The following DRAM1 variants were observed in gnomAD, a reference collection of about 807,000 sequenced individuals.
DRAM1 encodes DNA damage-regulated autophagy modulator protein 1.
A neutral mutation model predicts 28.5 loss-of-function variants in DRAM1; 25 were observed. That is an observed-to-expected ratio of 0.88 (90% CI 0.64 to 1.23). The LOEUF is 1.23. Among genes scored for constraint, DRAM1 ranks in the 50% most tolerant of loss-of-function variants. The probability of loss-of-function intolerance (pLI) is 0.00; values close to 1 mark genes in which losing one functional copy is unlikely to be tolerated. For missense variants in DRAM1, 249 were observed against 299.2 expected (o/e 0.83, Z 1.24); for synonymous variants, 113 against 114.2 (o/e 0.99, Z 0.07).
At chr12:101,897,839 T>C in intron 1 of DRAM1, 24 bp from the exon 2 acceptor site, 1 of 1,575,086 alleles carries the variant, frequency 6.3e-7, no homozygotes, top group Non-Finnish European at 8.7e-7. Context: ...TTCTAATAAT[T>C]TGGACATTTC....
At chr12:101,892,060 C>A (rs902961477) in intron 1 of DRAM1, among the ~76,000 whole-genome samples, 4 of 152,154 alleles carry the variant, frequency 2.6e-5, no homozygotes, top group African/African-American at 9.7e-5. Context: ...GTTTACTTAT[C>A]TGGATTCCAG....
chr12:101,912,473 C>T (rs531230412), intron 4 of DRAM1, among the ~76,000 whole-genome samples: 4 of 152,138 alleles, frequency 2.6e-5, no homozygotes, highest in African/African-American at 9.7e-5. Flanking sequence ...TTTCCCTTCT[C>T]CCACCCCCAG....
At chr12:101,906,854 C>CAAAAAAAAA (rs751751554) in intron 3 of DRAM1, among the ~76,000 whole-genome samples, 1 of 67,482 alleles carries the variant, frequency 1.5e-5, no homozygotes. Flanking sequence ...GACTCTGCCT[C>CAAAAAAAAA]AAAAAAAAAA....
intron 6 of DRAM1, among the ~76,000 whole-genome samples, chr12:101,920,653 T>C (rs926121791): frequency 2.0e-5 from 3 of 152,230 alleles, no homozygotes; most frequent in Non-Finnish European, 2.9e-5. Flanking sequence ...GGTTCACATC[T>C]GTAATCCCAG....
chr12:101,881,968 C>A (rs978019621), intron 1 of DRAM1, among the ~76,000 whole-genome samples: 1 of 152,192 alleles, frequency 6.6e-6, no homozygotes, highest in African/African-American at 2.4e-5. Flanking sequence ...GGTACTCACT[C>A]TTTACCCCAG....
intron 4 of DRAM1, among the ~76,000 whole-genome samples, chr12:101,913,865 T>C (rs1874136274): frequency 6.6e-6 from 1 of 152,064 alleles, no homozygotes; most frequent in South Asian, 2.1e-4. Flanking sequence ...TCCAGAAACA[T>C]GTAGGGTTGT....
At position 101,921,272 on chromosome 12, in the gene DRAM1, T is replaced by C. The variant is rs1317214336; in HGVS notation, c.*12T>C. 1 of 1,605,404 alleles carries C rather than the reference T, an allele frequency of 6.2e-7. No individual in the cohort carries two copies. The highest frequency in any genetic ancestry group is 1.3e-5 in the African/African-American group (1 of 74,736). On this transcript the variant is annotated 3_prime_UTR_variant, in exon 7 of 7. Transcript: ENST00000258534. ...ATGGTGATATTTGAAGAAAGAAGAATTCAGTCTCACTCAGTGAATGTCGCA... is the reference window on the plus strand; with the variant it reads ...ATGGTGATATTTGAAGAAAGAAGAACTCAGTCTCACTCAGTGAATGTCGCA...
chr12:101,895,239 G>A (rs551582798), intron 1 of DRAM1, among the ~76,000 whole-genome samples: 6 of 123,062 alleles, frequency 4.9e-5, no homozygotes, highest in East Asian at 2.8e-4. Flanking sequence ...GTGCAGTGGC[G>A]TGATCTCAGC....
intron 3 of DRAM1, among the ~76,000 whole-genome samples, chr12:101,906,647 A>G (rs996132096): frequency 2.0e-5 from 3 of 152,048 alleles, no homozygotes; most frequent in African/African-American, 7.2e-5. Flanking sequence ...TGAGGTCATA[A>G]GTTCGAGACC....
intron 1 of DRAM1, among the ~76,000 whole-genome samples, chr12:101,897,518 TC>T (rs1252483416): frequency 7.9e-6 from 1 of 127,370 alleles, no homozygotes; most frequent in African/African-American, 2.9e-5. Flanking sequence ...TGATTTTAGA[TC>T]TTTTTTTTTT....
At chr12:101,890,376 G>A (rs1326915418) in intron 1 of DRAM1, among the ~76,000 whole-genome samples, 1 of 72,756 alleles carries the variant, frequency 1.4e-5, no homozygotes, top group Non-Finnish European at 2.4e-5. Context: ...CACCGAGCCC[G>A]GCCCTATTTT....
intron 1 of DRAM1, among the ~76,000 whole-genome samples, chr12:101,884,369 CAAAAA>C (rs777858309): frequency 5.1e-5 from 4 of 78,048 alleles, no homozygotes; most frequent in Admixed American, 1.7e-4. Flanking sequence ...TACCCTGTCT[CAAAAA>C]AAAAAAAAAA....
intron 3 of DRAM1, among the ~76,000 whole-genome samples, chr12:101,903,951 ACACACACACACC>A (rs1322305454): frequency 1.2e-4 from 17 of 147,758 alleles, no homozygotes; most frequent in African/African-American, 3.9e-4. Flanking sequence ...ACACACACAC[ACACACACACACC>A]CCTATAAGCC....
At chr12:101,895,186 G>GTTTTTTTTTTTGTTGTTTTTT (rs1873300974) in intron 1 of DRAM1, among the ~76,000 whole-genome samples, 1 of 75,720 alleles carries the variant, frequency 1.3e-5, no homozygotes, top group Non-Finnish European at 2.3e-5. Context: ...AACCCTTCAG[G>GTTTTTTTTTTTGTTGTTTTTT]TTTTTTTTTT....
chr12:101,889,142 G>A (rs1873001298), intron 1 of DRAM1, among the ~76,000 whole-genome samples: 2 of 152,026 alleles, frequency 1.3e-5, no homozygotes, highest in South Asian at 2.1e-4. Flanking sequence ...TCCTCTTTAC[G>A]TCACAGTAAT....
At chr12:101,920,298 T>TC in intron 6 of DRAM1, 97 bp downstream of exon 6, 1 of 73,758 alleles carries the variant, frequency 1.4e-5, no homozygotes, top group Non-Finnish European at 2.2e-5. Flanking sequence ...GAGCACTTTC[T>TC]TTTTTTTTTT....
At chr12:101,896,052 A>G (rs1392711539) in intron 1 of DRAM1, among the ~76,000 whole-genome samples, 1 of 151,414 alleles carries the variant, frequency 6.6e-6, no homozygotes, top group Non-Finnish European at 1.5e-5. Flanking sequence ...ATGCTTAGCT[A>G]ATTTTTGTAT....
At chr12:101,907,426 A>C (rs1401478748) in intron 3 of DRAM1, among the ~76,000 whole-genome samples, 1 of 151,710 alleles carries the variant, frequency 6.6e-6, no homozygotes, top group Admixed American at 6.6e-5. Context: ...TATTGATGAC[A>C]TCAAACAAAA....
chr12:101,895,186 G>GTTTTTTTTTTTTT (rs574722379), intron 1 of DRAM1, among the ~76,000 whole-genome samples: 7 of 75,718 alleles, frequency 9.2e-5, no homozygotes, highest in Admixed American at 1.8e-4. Context: ...AACCCTTCAG[G>GTTTTTTTTTTTTT]TTTTTTTTTT....
Sources: gnomAD v4.1 joint callset for allele counts (sites outside exome capture counted in the v4.1 genomes callset) on GRCh38, gnomAD v4.1.1 for gene constraint, MANE v1.5 for transcripts, NCBI Gene and HGNC (gene_info 2026-07-23, HGNC 2026-07-21) for gene names.